Variants in CHMP4C observed in about 807,000 individuals in gnomAD.
CHMP4C encodes SNF7 homolog associated with Alix 3.
A neutral mutation model predicts 29.0 loss-of-function variants in CHMP4C; 28 were observed. The ratio of observed to expected loss-of-function variants is 0.97; its 90% CI spans 0.72 to 1.32. The LOEUF (loss-of-function observed/expected upper bound fraction) is 1.32, where lower values mean the gene tolerates loss of function less well. Ranked by LOEUF, CHMP4C falls within the 40% of genes most tolerant of loss-of-function variation. The probability of loss-of-function intolerance (pLI) is 0.00; values close to 1 mark genes in which losing one functional copy is unlikely to be tolerated. For missense variants in CHMP4C, 291 were observed against 281.0 expected (o/e 1.04, Z -0.25); for synonymous variants, 106 against 102.4 (o/e 1.04, Z -0.21).
chr8:81,751,381 A>C (rs568846198), intron 1 of CHMP4C, among the ~76,000 whole-genome samples: 1 of 152,244 alleles, frequency 6.6e-6, no homozygotes, highest in South Asian at 2.1e-4. Flanking sequence ...TATAATAAAA[A>C]AACTCTATGA....
At chr8:81,733,721 C>T (rs757432236) in intron 1 of CHMP4C, among the ~76,000 whole-genome samples, 2 of 152,168 alleles carry the variant, frequency 1.3e-5, no homozygotes, top group East Asian at 1.9e-4. Context: ...ACCTGTGGCA[C>T]AGATAAAAAC....
chr8:81,752,954 C>T (rs1355234168), intron 1 of CHMP4C, 110 bp from the exon 2 acceptor site: 13 of 816,148 alleles, frequency 1.6e-5, no homozygotes, highest in Non-Finnish European at 2.2e-5. Context: ...TTGGTATACT[C>T]GTTGTCCTTA....
At position 81,758,208 on chromosome 8, in the gene CHMP4C, C is replaced by T. The variant is rs757068214; in HGVS notation, c.550C>T (p.Arg184Cys). Residue 184 changes from arginine to cysteine, a missense_variant, in exon 4 of 5, where the codon CGC becomes TGC. Coordinates refer to ENST00000297265, the MANE Select transcript of CHMP4C (RefSeq NM_152284.4). ...EELNKKMTNIRLPNVPSSSLP... is the reference protein window; with the variant it reads ...EELNKKMTNICLPNVPSSSLP... ...ATTAAATAAGAAGATGACAAATATC[C>T]GCCTTCCAAATGTGCCTTCCTCTTC... 2.6e-5 allele frequency: 42 copies of T among 1,613,616 alleles called. No individual in the cohort carries two copies. In the African/African-American group the frequency reaches 2.7e-4, roughly 10 times the overall value.
At chr8:81,736,497 C>G (rs775426441) in intron 1 of CHMP4C, among the ~76,000 whole-genome samples, 15 of 152,192 alleles carry the variant, frequency 9.9e-5, no homozygotes, top group Non-Finnish European at 2.1e-4. Flanking sequence ...ATTGCTAAAA[C>G]AGTTTAGAGA....
intron 1 of CHMP4C, among the ~76,000 whole-genome samples, chr8:81,740,155 A>C (rs1247311114): frequency 6.6e-6 from 1 of 152,214 alleles, no homozygotes; most frequent in Non-Finnish European, 1.5e-5. Flanking sequence ...TTGGCATGCC[A>C]CTAGAGACTT....
At chr8:81,742,655 C>A (rs149675716) in intron 1 of CHMP4C, among the ~76,000 whole-genome samples, 1 of 152,268 alleles carries the variant, frequency 6.6e-6, no homozygotes, top group Non-Finnish European at 1.5e-5. Flanking sequence ...TTTAACAGGC[C>A]TTGCTCACTT....
At chr8:81,754,150 A>G (rs1205257842) in intron 2 of CHMP4C, among the ~76,000 whole-genome samples, 2 of 152,096 alleles carry the variant, frequency 1.3e-5, no homozygotes, top group African/African-American at 4.8e-5. Flanking sequence ...TCTTTTCTGA[A>G]TAATTCATTA....
Position 81,758,620 on chromosome 8 carries a change from G to A in CHMP4C, c.*76G>A. ...AAAAATGTTTTTACCAAGTTCAGAA[G>A]TTAACAAAGACTCTGCTTTATAATT... On this transcript the variant is annotated 3_prime_UTR_variant, in exon 5 of 5. Transcript: ENST00000297265. The A allele has an allele frequency of 2.1e-6, 2 of 956,224 alleles. No individual in the cohort carries two copies. Among genetic ancestry groups the A allele is most frequent in the Non-Finnish European group, 3.3e-6 (2 of 601,778 alleles). The allele number at this position is 956,224 out of a possible 1,614,324, so 59.2% of individuals were successfully genotyped here. A position where few individuals can be genotyped will look rare whatever the true frequency, so the allele number is the denominator to read the frequency against.
At chr8:81,756,804 A>G (rs751291679) in intron 3 of CHMP4C, among the ~76,000 whole-genome samples, 3 of 152,124 alleles carry the variant, frequency 2.0e-5, no homozygotes, top group Non-Finnish European at 4.4e-5. Context: ...TTGTTCTGCC[A>G]TTACTATATT....
chr8:81,733,925 G>C (rs73694763), intron 1 of CHMP4C, among the ~76,000 whole-genome samples: 2,739 of 152,272 alleles, frequency 0.018, 75 homozygotes, highest in African/African-American at 0.061. Context: ...TTTAATGCAG[G>C]AAAGGAATGA....
intron 1 of CHMP4C, among the ~76,000 whole-genome samples, chr8:81,734,459 T>C (rs1808659793): frequency 7.2e-6 from 1 of 139,086 alleles, no homozygotes; most frequent in Admixed American, 7.2e-5. Context: ...GCCTCCCGAG[T>C]CGCTGGGATT....
intron 1 of CHMP4C, among the ~76,000 whole-genome samples, chr8:81,734,727 G>T (rs1244474795): frequency 6.6e-6 from 1 of 152,016 alleles, no homozygotes; most frequent in Admixed American, 6.6e-5. Flanking sequence ...AATAATGTGG[G>T]TTTTACTGAT....
intron 1 of CHMP4C, among the ~76,000 whole-genome samples, chr8:81,734,704 A>G (rs1423768075): frequency 6.6e-6 from 1 of 152,148 alleles, no homozygotes; most frequent in African/African-American, 2.4e-5. Flanking sequence ...TTGTTTTCAA[A>G]GACAGAGTGC....
At chr8:81,741,166 GT>G (rs575519731) in intron 1 of CHMP4C, among the ~76,000 whole-genome samples, 11 of 151,722 alleles carry the variant, frequency 7.3e-5, no homozygotes, top group South Asian at 6.3e-4. Flanking sequence ...ATTACATCTA[GT>G]TTTTTTTCAT....
intron 1 of CHMP4C, among the ~76,000 whole-genome samples, chr8:81,739,817 C>T (rs980008212): frequency 6.6e-6 from 1 of 152,178 alleles, no homozygotes; most frequent in Non-Finnish European, 1.5e-5. Flanking sequence ...TTAATACTGT[C>T]TCAATTTGAA....
At position 81,758,615 on chromosome 8, in the gene CHMP4C, C is replaced by G; in HGVS notation, c.*71C>G. 1.0e-6 allele frequency: 1 copy of G among 986,104 alleles called. No individual in the cohort carries two copies. The allele number at this position is 986,104 out of a possible 1,614,324, so 61.1% of individuals were successfully genotyped here. On this transcript the variant is annotated 3_prime_UTR_variant, in exon 5 of 5. Coordinates refer to ENST00000297265, the MANE Select transcript of CHMP4C (RefSeq NM_152284.4). ...ATATAAAAAATGTTTTTACCAAGTTCAGAAGTTAACAAAGACTCTGCTTTA... is the reference window on the plus strand; with the variant it reads ...ATATAAAAAATGTTTTTACCAAGTTGAGAAGTTAACAAAGACTCTGCTTTA...
intron 1 of CHMP4C, among the ~76,000 whole-genome samples, chr8:81,748,195 A>G (rs190749251): frequency 6.6e-6 from 1 of 152,344 alleles, no homozygotes; most frequent in African/African-American, 2.4e-5. Context: ...GTTTAAGGTT[A>G]TCTCTCTTAT....
chr8:81,745,548 G>T (rs576896017), intron 1 of CHMP4C, among the ~76,000 whole-genome samples: 2 of 152,274 alleles, frequency 1.3e-5, no homozygotes, highest in African/African-American at 4.8e-5. Flanking sequence ...TAAATTATTT[G>T]GCATAAATGA....
At chr8:81,758,436 G>GTGAA in intron 4 of CHMP4C, 44 bp from the exon 5 acceptor site, 1 of 1,556,200 alleles carries the variant, frequency 6.4e-7, no homozygotes, top group East Asian at 2.2e-5. Flanking sequence ...TGCTGAAAGT[G>GTGAA]TGAATGTCAC....
Sources: allele counts gnomAD v4.1 joint callset (sites outside exome capture counted in the v4.1 genomes callset), GRCh38; gene constraint gnomAD v4.1.1; transcripts MANE v1.5; gene names NCBI Gene and HGNC (gene_info 2026-07-23, HGNC 2026-07-21).